The following STK39 variants were observed in gnomAD, a reference collection of about 807,000 sequenced individuals.
The protein encoded by STK39 is STE20/SPS1-related proline-alanine-rich protein kinase.
Under a neutral mutation model 77.8 loss-of-function variants are expected in STK39, and 20 were observed. That is an observed-to-expected ratio of 0.26 (90% CI 0.18 to 0.37). The LOEUF (loss-of-function observed/expected upper bound fraction) is 0.37. STK39 is among the 10% of genes least tolerant of loss of function. The pLI, the probability that STK39 is intolerant of heterozygous loss-of-function variation, is 1.00. For synonymous variants in STK39, 246 were observed against 234.1 expected (o/e 1.05, Z -0.47); for missense variants, 479 against 656.5 (o/e 0.73, Z 2.95).
At chr2:167,990,918 A>C (rs145821282) in intron 16 of STK39, among the ~76,000 whole-genome samples, 90 of 152,288 alleles carry the variant, frequency 5.9e-4, no homozygotes, top group African/African-American at 2.1e-3. Context: ...ATTACATTTC[A>C]CCAGGCATTA....
chr2:167,990,092 A>G (rs984021609), intron 16 of STK39, among the ~76,000 whole-genome samples: 1 of 152,196 alleles, frequency 6.6e-6, no homozygotes, highest in Admixed American at 6.5e-5. Context: ...AGATAATTCA[A>G]TAAGGTGAGA....
intron 15 of STK39, among the ~76,000 whole-genome samples, chr2:168,015,277 A>G (rs1193687303): frequency 1.3e-5 from 2 of 152,250 alleles, no homozygotes; most frequent in Non-Finnish European, 2.9e-5. Flanking sequence ...ATTTTACGTT[A>G]TACATTTTGT....
rs569904775 is a variant in STK39 at position 168,093,478 on chromosome 2, A to G, written c.1090-18247T>C. 7.2e-5 allele frequency among the ~76,000 whole-genome samples: 11 copies of G among 152,270 alleles called. No homozygotes were observed. The East Asian group carries it at 2.1e-3, about 29-fold the overall frequency. On this transcript the variant is annotated intron_variant, in intron 10 of 17. Coordinates refer to ENST00000355999, the MANE Select transcript of STK39 (RefSeq NM_013233.3). ...CATGAGACTTATTCACTGTCACAAG[A>G]ACAGCATGGGAAAACCCGCCCCCAT...
intron 16 of STK39, among the ~76,000 whole-genome samples, chr2:167,989,117 G>A (rs1002431535): frequency 6.6e-6 from 1 of 152,176 alleles, no homozygotes; most frequent in Non-Finnish European, 1.5e-5. Flanking sequence ...TGAGGTGGGT[G>A]ATCAATGTTC....
chr2:168,025,747 A>G (rs747337672), intron 14 of STK39, among the ~76,000 whole-genome samples: 7 of 152,218 alleles, frequency 4.6e-5, no homozygotes, highest in Non-Finnish European at 1.0e-4. Flanking sequence ...GGAACCTACA[A>G]ATGAAGGCCA....
intron 12 of STK39, among the ~76,000 whole-genome samples, chr2:168,074,494 C>A (rs563043195): frequency 4.1e-4 from 62 of 152,168 alleles, no homozygotes; most frequent in Non-Finnish European, 7.6e-4. Flanking sequence ...GCTCCTTAAC[C>A]TACTAAGGTA....
chr2:167,970,685 A>C (rs1692311190), intron 16 of STK39, among the ~76,000 whole-genome samples: 1 of 152,216 alleles, frequency 6.6e-6, no homozygotes, highest in Non-Finnish European at 1.5e-5. Flanking sequence ...GATGAACTGC[A>C]ACCTAACTTA....
intron 16 of STK39, among the ~76,000 whole-genome samples, chr2:167,997,401 G>A (rs1355550672): frequency 6.6e-6 from 1 of 152,258 alleles, no homozygotes; most frequent in East Asian, 1.9e-4. Flanking sequence ...AAGGGAAAGA[G>A]GGAAGAACTA....
At chr2:167,963,151 T>C (rs1023503216) in intron 17 of STK39, among the ~76,000 whole-genome samples, 1 of 152,054 alleles carries the variant, frequency 6.6e-6, no homozygotes, top group Non-Finnish European at 1.5e-5. Flanking sequence ...TTTGTGAAGA[T>C]GAGAGAATCC....
chr2:168,028,347 C>T (rs1413328603), intron 14 of STK39, among the ~76,000 whole-genome samples: 1 of 152,222 alleles, frequency 6.6e-6, no homozygotes, highest in Non-Finnish European at 1.5e-5. Context: ...ACTTGTGTTA[C>T]ATCCCAGCTA....
intron 2 of STK39, among the ~76,000 whole-genome samples, chr2:168,168,891 G>A (rs1005264743): frequency 5.9e-5 from 9 of 152,104 alleles, no homozygotes; most frequent in Non-Finnish European, 8.8e-5. Context: ...GCTGAGGAAC[G>A]AGAATCACTC....
chr2:168,016,706 C>T (rs1684418806), intron 15 of STK39, among the ~76,000 whole-genome samples: 1 of 152,204 alleles, frequency 6.6e-6, no homozygotes, highest in East Asian at 1.9e-4. Flanking sequence ...CTGCTCAACC[C>T]TCATTAGGAC....
chr2:168,107,012 G>A (rs547779270), intron 10 of STK39, among the ~76,000 whole-genome samples: 1 of 152,202 alleles, frequency 6.6e-6, no homozygotes, highest in East Asian at 1.9e-4. Context: ...TAGTCTCCTG[G>A]AGAAGGGTGG....
At chr2:168,119,016 C>T (rs1237525647) in intron 10 of STK39, among the ~76,000 whole-genome samples, 2 of 152,192 alleles carry the variant, frequency 1.3e-5, no homozygotes, top group Non-Finnish European at 2.9e-5. Context: ...ACCTCTCTGG[C>T]CTACTGTTCT....
intron 1 of STK39, among the ~76,000 whole-genome samples, chr2:168,197,205 G>A (rs983686748): frequency 6.6e-6 from 1 of 152,184 alleles, no homozygotes; most frequent in African/African-American, 2.4e-5. Context: ...GGCTGGATTT[G>A]AGAATATATT....
chr2:167,973,612 A>G (rs1683176446), intron 16 of STK39, among the ~76,000 whole-genome samples: 2 of 152,228 alleles, frequency 1.3e-5, no homozygotes, highest in Non-Finnish European at 2.9e-5. Context: ...AGTTACCATT[A>G]TAACATATGA....
At chr2:168,219,037 A>G (rs1437577668) in intron 1 of STK39, among the ~76,000 whole-genome samples, 3 of 152,202 alleles carry the variant, frequency 2.0e-5, no homozygotes, top group Non-Finnish European at 2.9e-5. Context: ...ATATGAATCA[A>G]GAATTTGGGG....
In STK39 at chr2:167,962,870, C is replaced by T. The variant is rs75158669; in HGVS notation, c.1563+1792G>A. Among the ~76,000 whole-genome samples, 289 of 152,264 alleles carry T rather than the reference C, an allele frequency of 1.9e-3. 1 individual carries two copies. Among genetic ancestry groups the T allele is most frequent in the African/African-American group, 6.7e-3 (278 of 41,548 alleles). On this transcript the variant is annotated intron_variant, in intron 17 of 17. Coordinates refer to ENST00000355999, the MANE Select transcript of STK39 (RefSeq NM_013233.3). The stretch of plus-strand genomic sequence containing the variant: ...CTTCCAGACTCAGGATCTGTGTGAT[C>T]GCTGTGTGATCCTGGGCAAATCCAC...
At chr2:168,184,003 T>G (rs1689145780) in intron 1 of STK39, among the ~76,000 whole-genome samples, 1 of 152,218 alleles carries the variant, frequency 6.6e-6, no homozygotes, top group Non-Finnish European at 1.5e-5. Context: ...CTTTAGCTGC[T>G]GGTGGGAAAC....
Sources: allele counts gnomAD v4.1 joint callset (sites outside exome capture counted in the v4.1 genomes callset), GRCh38; gene constraint gnomAD v4.1.1; transcripts MANE v1.5; gene names NCBI Gene and HGNC (gene_info 2026-07-23, HGNC 2026-07-21).